The following ASB2 variants were observed in gnomAD, a reference collection of about 807,000 sequenced individuals.
ASB2 encodes ankyrin repeat and SOCS box protein 2.
In ASB2, 58 loss-of-function variants were observed where a neutral mutation model predicts 62.4. The observed-to-expected ratio is 0.93, with a 90% CI of 0.75 to 1.16. The LOEUF is 1.16. ASB2 is among the 50% of genes most tolerant of loss of function. The probability of loss-of-function intolerance (pLI) is 0.00; values close to 1 mark genes in which losing one functional copy is unlikely to be tolerated. For synonymous variants in ASB2, 386 were observed against 385.3 expected, an observed-to-expected ratio of 1.00 and a Z score of -0.02; for missense variants, 928 against 887.9, an observed-to-expected ratio of 1.05 and a Z score of -0.57.
chr14:93,956,636 C>T (rs1333032497), intron 3 of ASB2, 130 bp downstream of exon 3: 11 of 1,234,382 alleles, frequency 8.9e-6, no homozygotes, highest in Middle Eastern at 2.7e-4. Flanking sequence ...CTAGAAGGAG[C>T]GTGCCTGGCA....
chr14:93,962,104 A>ATTTTTT (rs1889425579), intron 2 of ASB2, among the ~76,000 whole-genome samples: 2 of 107,180 alleles, frequency 1.9e-5, no homozygotes, highest in African/African-American at 7.4e-5. Flanking sequence ...TTCATTAAAC[A>ATTTTTT]TTCTTTTTTT....
intron 7 of ASB2, chr14:93,943,758 C>G (rs1888620977): frequency 8.9e-6 from 3 of 337,132 alleles, no homozygotes; most frequent in South Asian, 7.1e-5. Flanking sequence ...GACTTGTTTT[C>G]TATGAAGTCT....
chr14:93,964,427 C>T lies in ASB2; in HGVS notation c.113G>A (p.Ser38Asn). The change falls in exon 2 of 10, where the codon AGC (serine) becomes AAC (asparagine). Residue 38 changes from serine to asparagine, a missense_variant. Ser to Asn is a conservative substitution (Grantham distance 46). Coordinates refer to ENST00000555019, the MANE Select transcript of ASB2 (RefSeq NM_001202429.2). ...TGGGCCCCTTGTCTTGTCCGCTAGG[C>T]TCTGCTCGATGGCCATCTGCACCAG... Reference protein sequence around the residue: ...DELVQMAIEQSLADKTRGPTT... With the variant: ...DELVQMAIEQNLADKTRGPTT... 1 of 1,536,110 alleles carries T rather than the reference C, an allele frequency of 6.5e-7. No homozygotes were observed. The highest frequency in any genetic ancestry group is 8.7e-7 in the Non-Finnish European group (1 of 1,146,904).
At chr14:93,966,612 G>A (rs1029794627) in intron 1 of ASB2, among the ~76,000 whole-genome samples, 11 of 152,250 alleles carry the variant, frequency 7.2e-5, no homozygotes, top group African/African-American at 2.7e-4. Flanking sequence ...TTGCAGAACT[G>A]CTGAACCAAT....
chr14:93,964,941 C>T lies in ASB2; in HGVS notation c.-73-329G>A, dbSNP rs557219365. ...AACTATCCAACTACCCACTCAACCA[C>T]CCTCCATCTATCCTCCTATCCATCC... On this transcript the variant is annotated intron_variant, in intron 1 of 9. Coordinates refer to ENST00000555019, the MANE Select transcript of ASB2 (RefSeq NM_001202429.2). Among the ~76,000 whole-genome samples the T allele has an allele frequency of 4.6e-5, 7 of 152,226 alleles. No homozygotes were observed. The South Asian group carries it at 1.5e-3, about 32-fold the overall frequency.
chr14:93,942,393 C>T (rs895711657), intron 7 of ASB2: 1 of 426,492 alleles, frequency 2.3e-6, no homozygotes, highest in African/African-American at 2.0e-5. Context: ...GGAGCAGATC[C>T]AGCTCAGGGT....
At chr14:93,974,744 C>A (rs573955630) in intron 1 of ASB2, among the ~76,000 whole-genome samples, 1 of 152,242 alleles carries the variant, frequency 6.6e-6, no homozygotes, top group South Asian at 2.1e-4. Context: ...TGTTTCCAGA[C>A]CTGAAAATGG....
intron 1 of ASB2, among the ~76,000 whole-genome samples, chr14:93,975,072 G>A (rs545578773): frequency 7.9e-5 from 12 of 152,382 alleles, no homozygotes; most frequent in African/African-American, 2.9e-4. Context: ...TGTTTTGGAA[G>A]TGCCTCGAGC....
intron 2 of ASB2, among the ~76,000 whole-genome samples, chr14:93,958,409 C>T (rs1413446154): frequency 6.6e-6 from 1 of 152,202 alleles, no homozygotes; most frequent in African/African-American, 2.4e-5. Context: ...GCTCCTGATG[C>T]CACCCTGTCC....
chr14:93,939,025 GC>G (rs1254283384), intron 8 of ASB2, 82 bp downstream of exon 8: 24 of 1,252,952 alleles, frequency 1.9e-5, no homozygotes, highest in Non-Finnish European at 2.5e-5. Flanking sequence ...GAACCACCCG[GC>G]CCCGCCCGCC....
At chr14:93,962,827 C>T (rs1298001617) in intron 2 of ASB2, among the ~76,000 whole-genome samples, 2 of 152,216 alleles carry the variant, frequency 1.3e-5, no homozygotes, top group African/African-American at 2.4e-5. Flanking sequence ...TGACCCCCTC[C>T]TGAGGAAGAG....
chr14:93,947,538 A>T lies in ASB2; in HGVS notation c.881-18T>A. The T allele has an allele frequency of 6.2e-7, 1 of 1,611,780 alleles. No homozygotes were observed. Among genetic ancestry groups the T allele is most frequent in the Admixed American group, 1.7e-5 (1 of 60,018 alleles). On this transcript the variant is annotated intron_variant, in intron 6 of 9. Coordinates refer to ENST00000555019, the MANE Select transcript of ASB2 (RefSeq NM_001202429.2). Reference sequence around the variant, plus strand: ...GTCAGCACCTGGGGAAGGAGAAGAGATCAGCAAGTGGCCAAGTGACCGGGA... The same window carrying T: ...GTCAGCACCTGGGGAAGGAGAAGAGTTCAGCAAGTGGCCAAGTGACCGGGA...
In ASB2 at chr14:93,937,825, C is replaced by T. The variant is rs1442623196; in HGVS notation, c.1644G>A (p.Glu548=). The change falls in exon 9 of 10, where the codon GAG becomes GAA. Residue 548 remains glutamate, a synonymous_variant. Coordinates refer to ENST00000555019, the MANE Select transcript of ASB2 (RefSeq NM_001202429.2). ...TGATGGGCCCCGCCCAGCGGCTCAC[C>T]TCTGGGGCAGATACGAACTCACAGA... is the stretch of plus-strand genomic sequence containing the variant. ...VQFCEFVSAP[E]VSRWAGPIID... is the part of the protein sequence containing the mutation. 1.2e-6 allele frequency: 2 copies of T among 1,604,190 alleles called. No individual in the cohort carries two copies. The highest frequency in any genetic ancestry group is 1.7e-6 in the Non-Finnish European group (2 of 1,171,964).
chr14:93,947,607 G>A lies in ASB2; in HGVS notation c.881-87C>T. On this transcript the variant is annotated intron_variant, in intron 6 of 9. Coordinates refer to ENST00000555019, the MANE Select transcript of ASB2 (RefSeq NM_001202429.2). ...AACGCCACCGCGTGGTGGGCCTGCTGTGCTAACCACGGTAATGCACGGGAC... is the reference window on the plus strand; with the variant it reads ...AACGCCACCGCGTGGTGGGCCTGCTATGCTAACCACGGTAATGCACGGGAC... 5 of 1,388,076 alleles carry A rather than the reference G, an allele frequency of 3.6e-6. No homozygotes were observed. In the South Asian group the frequency reaches 6.1e-5, roughly 17 times the overall value. 86.0% of individuals were successfully genotyped at this position (1,388,076 alleles called of 1,614,324 possible). A position where few individuals can be genotyped will look rare whatever the true frequency, so the allele number is the denominator to read the frequency against.
chr14:93,939,484 G>A lies in ASB2; in HGVS notation c.1241C>T (p.Ala414Val). The A allele has an allele frequency of 1.2e-6, 2 of 1,611,342 alleles. No homozygotes were observed. Among genetic ancestry groups the A allele is most frequent in the South Asian group, 1.1e-5 (1 of 90,994 alleles). The change falls in exon 8 of 10, where the codon GCG becomes GTG. Residue 414 changes from alanine to valine, a missense_variant. Ala to Val is a moderately conservative substitution (Grantham distance 64, BLOSUM62 0). Transcript: ENST00000555019. ...GTTGTTGACCACCGCGAAGTACAGC[G>A]CGGAGCTGCGCCGGTCTTCGTAGAG... ...ARLYEDRRSS[A>V]LYFAVVNNNV...
At chr14:93,935,795 C>T (rs975178139) in intron 9 of ASB2, among the ~76,000 whole-genome samples, 27 of 151,196 alleles carry the variant, frequency 1.8e-4, no homozygotes, top group African/African-American at 6.1e-4. Flanking sequence ...TCTGAGTTCA[C>T]TGCCTTCTGA....
At chr14:93,960,604 G>A (rs1889373538) in intron 2 of ASB2, among the ~76,000 whole-genome samples, 1 of 152,178 alleles carries the variant, frequency 6.6e-6, no homozygotes, top group African/African-American at 2.4e-5. Context: ...TGGGTTCATG[G>A]ACCCCACTTC....
chr14:93,936,342 G>C (rs888209449), intron 9 of ASB2, among the ~76,000 whole-genome samples: 3 of 152,252 alleles, frequency 2.0e-5, no homozygotes, highest in African/African-American at 7.2e-5. Context: ...GGTCTCTGCA[G>C]GGATTTCCCT....
rs1254378014 is a variant in ASB2 at position 93,959,844 on chromosome 14, A to G, written c.207-2974T>C. Among the ~76,000 whole-genome samples, 3 of 152,152 alleles carry G rather than the reference A, an allele frequency of 2.0e-5. No individual in the cohort carries two copies. In the East Asian group the frequency reaches 5.8e-4, roughly 29 times the overall value. On this transcript the variant is annotated intron_variant, in intron 2 of 9. Transcript: ENST00000555019. ...AAGCCCAGGTCAGCCCCAGGGAGGC[A>G]GTGATTGGGCTGGGCCTGGCTGAAT...
Sources: gnomAD v4.1 joint callset for allele counts (sites outside exome capture counted in the v4.1 genomes callset) on GRCh38, gnomAD v4.1.1 for gene constraint, MANE v1.5 for transcripts, NCBI Gene and HGNC (gene_info 2026-07-23, HGNC 2026-07-21) for gene names.